PRIMPOL: variants seen among roughly 807,000 people sequenced by gnomAD.
The protein encoded by PRIMPOL is primase and DNA directed polymerase.
Under a neutral mutation model 63.6 loss-of-function variants are expected in PRIMPOL, and 54 were observed. That is an observed-to-expected ratio of 0.85 (90% CI 0.68 to 1.07). The LOEUF (loss-of-function observed/expected upper bound fraction) is 1.07. Among genes scored for constraint, PRIMPOL ranks in the 50% least tolerant of loss-of-function variants. The probability of loss-of-function intolerance (pLI) is 0.00; values close to 1 mark genes in which losing one functional copy is unlikely to be tolerated. For missense variants in PRIMPOL, 610 were observed against 648.3 expected (o/e 0.94, Z 0.64); for synonymous variants, 197 against 220.2 (o/e 0.89, Z 0.93).
At chr4:184,660,513 G>C (rs1242425647) in intron 4 of PRIMPOL, among the ~76,000 whole-genome samples, 2 of 152,182 alleles carry the variant, frequency 1.3e-5, no homozygotes. Flanking sequence ...TGAGTAATGT[G>C]TGGAAAAGGA....
intron 7 of PRIMPOL, among the ~76,000 whole-genome samples, chr4:184,673,128 TC>T (rs1371115802): frequency 2.8e-4 from 8 of 28,186 alleles, no homozygotes; most frequent in Admixed American, 5.9e-4. Context: ...GCAGGTTTTT[TC>T]TTTTTCTTTT....
At chr4:184,674,638 T>C (rs1752785232) in intron 7 of PRIMPOL, among the ~76,000 whole-genome samples, 1 of 152,220 alleles carries the variant, frequency 6.6e-6, no homozygotes, top group South Asian at 2.1e-4. Context: ...GATAGCCTAC[T>C]CTTGACCGGA....
Position 184,682,231 on chromosome 4 carries a change from A to G in PRIMPOL, c.1008-17A>G. On this transcript the variant is annotated splice_polypyrimidine_tract_variant and intron_variant, in intron 8 of 13. Transcript: ENST00000314970. ...AGTGTGATGGTGCTTTGTTTCTTTT[A>G]CCTATTTCTTCTTCAGGTTCTCAGA... The G allele has an allele frequency of 1.4e-6, 2 of 1,417,076 alleles. No homozygotes were observed. 87.8% of individuals were successfully genotyped at this position (1,417,076 alleles called of 1,614,324 possible).
chr4:184,657,338 C>T lies in PRIMPOL; in HGVS notation c.180+18C>T. The T allele has an allele frequency of 5.1e-6, 8 of 1,555,394 alleles. No individual in the cohort carries two copies. Among genetic ancestry groups the T allele is most frequent in the South Asian group, 2.3e-5 (2 of 85,824 alleles). Reference sequence around the variant, plus strand: ...GTAAAGAAGTAATTTCCTCCTCCTCCTCTTCTTCTTCCTCCTCTTCCACTT... The same window carrying T: ...GTAAAGAAGTAATTTCCTCCTCCTCTTCTTCTTCTTCCTCCTCTTCCACTT... On this transcript the variant is annotated intron_variant, in intron 3 of 13. Coordinates refer to ENST00000314970, the MANE Select transcript of PRIMPOL (RefSeq NM_152683.4).
rs565272887 is a variant in PRIMPOL at position 184,681,861 on chromosome 4, A to G, written c.1008-387A>G. ...AGTCCTGGGATTATAGGCGTGAGCC[A>G]CTGCATCTGGCCTATTTTTATTGTT... On this transcript the variant is annotated intron_variant, in intron 8 of 13. Transcript: ENST00000314970. 4.6e-5 allele frequency among the ~76,000 whole-genome samples: 7 copies of G among 152,194 alleles called. No homozygotes were observed. In the East Asian group the frequency reaches 7.7e-4, roughly 17 times the overall value.
intron 5 of PRIMPOL, among the ~76,000 whole-genome samples, chr4:184,664,452 C>T (rs181851062): frequency 6.6e-6 from 1 of 152,350 alleles, no homozygotes; most frequent in Non-Finnish European, 1.5e-5. Flanking sequence ...ACCTATTTCT[C>T]CCCCAAGTAA....
chr4:184,679,669 C>CAGCAGGAGGTG (rs1435809422), intron 8 of PRIMPOL, among the ~76,000 whole-genome samples: 5 of 152,194 alleles, frequency 3.3e-5, no homozygotes, highest in Non-Finnish European at 7.3e-5. Context: ...CTGGACCCCA[C>CAGCAGGAGGTG]AGCAGGAGGT....
intron 9 of PRIMPOL, 108 bp downstream of exon 9, chr4:184,682,444 G>A (rs181544067): frequency 1.8e-4 from 106 of 588,178 alleles, no homozygotes; most frequent in African/African-American, 1.7e-3. Context: ...CTCCTCCCAG[G>A]CTCAAGCCAT....
At chr4:184,683,042 C>T (rs1226636841) in intron 9 of PRIMPOL, among the ~76,000 whole-genome samples, 1 of 152,096 alleles carries the variant, frequency 6.6e-6, no homozygotes, top group Non-Finnish European at 1.5e-5. Context: ...AGAATCAGAC[C>T]CTGTCTCAAC....
Position 184,694,508 on chromosome 4 carries a change from C to A in PRIMPOL, c.1426-14C>A. On this transcript the variant is annotated splice_polypyrimidine_tract_variant and intron_variant, in intron 13 of 13. Transcript: ENST00000314970. ...TCCTATCCCACTCTCTATCCCTTCACCACTGAAATAAAGGAAGAAGAGTTT... is the reference window on the plus strand; with the variant it reads ...TCCTATCCCACTCTCTATCCCTTCAACACTGAAATAAAGGAAGAAGAGTTT... 6.2e-7 allele frequency: 1 copy of A among 1,608,118 alleles called. No individual in the cohort carries two copies. Among genetic ancestry groups the A allele is most frequent in the Non-Finnish European group, 8.5e-7 (1 of 1,175,492 alleles).
At chr4:184,660,010 G>A (rs1252147778) in intron 4 of PRIMPOL, among the ~76,000 whole-genome samples, 2 of 151,594 alleles carry the variant, frequency 1.3e-5, no homozygotes, top group Non-Finnish European at 1.5e-5. Context: ...TAGTAGAGAC[G>A]GGGTTTCACC....
chr4:184,654,453 G>GTTTTTTTTTTTTTTTT (rs1553985960), intron 2 of PRIMPOL, among the ~76,000 whole-genome samples: 3 of 33,568 alleles, frequency 8.9e-5, no homozygotes, highest in East Asian at 2.9e-3. Context: ...AGTTAAAGCA[G>GTTTTTTTTTTTTTTTT]TTTTTTTTTT....
chr4:184,689,446 CTTTTTTTTTT>C (rs70962517), intron 11 of PRIMPOL, among the ~76,000 whole-genome samples: 1 of 50,250 alleles, frequency 2.0e-5, no homozygotes, highest in African/African-American at 8.4e-5. Flanking sequence ...GTTAATGGTG[CTTTTTTTTTT>C]TTTTTTTTTT....
chr4:184,688,313 T>C (rs1020115246), intron 11 of PRIMPOL, among the ~76,000 whole-genome samples: 4 of 152,256 alleles, frequency 2.6e-5, no homozygotes, highest in African/African-American at 9.6e-5. Context: ...TGTTCCATAT[T>C]CTCACCAACA....
intron 2 of PRIMPOL, among the ~76,000 whole-genome samples, chr4:184,655,514 G>A (rs771562911): frequency 6.6e-5 from 10 of 151,314 alleles, no homozygotes; most frequent in Non-Finnish European, 1.3e-4. Context: ...TAGAGACGGG[G>A]TTTCACCATC....
At chr4:184,653,690 A>C (rs1162512630) in intron 2 of PRIMPOL, among the ~76,000 whole-genome samples, 2 of 151,870 alleles carry the variant, frequency 1.3e-5, no homozygotes, top group Non-Finnish European at 2.9e-5. Flanking sequence ...TTTCCTTCGG[A>C]ACTTGGAAAC....
intron 13 of PRIMPOL, among the ~76,000 whole-genome samples, chr4:184,692,926 G>A (rs918381041): frequency 4.6e-5 from 7 of 152,082 alleles, no homozygotes; most frequent in Admixed American, 2.6e-4. Context: ...CCTGTCCTCT[G>A]TCCATTTTTC....
intron 2 of PRIMPOL, among the ~76,000 whole-genome samples, chr4:184,653,534 T>C (rs1434996266): frequency 6.6e-6 from 1 of 152,104 alleles, no homozygotes; most frequent in South Asian, 2.1e-4. Flanking sequence ...TGTTTTTTAG[T>C]AGAGATGGGG....
In PRIMPOL at chr4:184,694,914, C is replaced by T. The variant is rs1337058663; in HGVS notation, c.*135C>T. Reference sequence around the variant, plus strand: ...GCTTTCCAATTTTTGTTTTTTACTTCTGTAAACCAATTTCATTAAAAATTA... The same window carrying T: ...GCTTTCCAATTTTTGTTTTTTACTTTTGTAAACCAATTTCATTAAAAATTA... On this transcript the variant is annotated 3_prime_UTR_variant, in exon 14 of 14. Transcript: ENST00000314970. The T allele has an allele frequency of 1.4e-6, 1 of 708,288 alleles. No homozygotes were observed. 43.9% of individuals were successfully genotyped at this position (708,288 alleles called of 1,614,324 possible).
Sources: allele counts gnomAD v4.1 joint callset (sites outside exome capture counted in the v4.1 genomes callset), GRCh38; gene constraint gnomAD v4.1.1; transcripts MANE v1.5; gene names NCBI Gene and HGNC (gene_info 2026-07-23, HGNC 2026-07-21).